Variants in CCNB1 observed in about 807,000 individuals in gnomAD.
The protein encoded by CCNB1 is G2/mitotic-specific cyclin-B1.
Under a neutral mutation model 44.4 loss-of-function variants are expected in CCNB1, and 26 were observed. That is an observed-to-expected ratio of 0.59 (90% CI 0.43 to 0.81). The LOEUF is 0.81. Among genes scored for constraint, CCNB1 ranks in the 40% least tolerant of loss-of-function variants. The pLI, the probability that CCNB1 is intolerant of heterozygous loss-of-function variation, is 0.00. For synonymous variants in CCNB1, 195 were observed against 181.4 expected, an observed-to-expected ratio of 1.08 and a Z score of -0.60; for missense variants, 477 against 520.9, an observed-to-expected ratio of 0.92 and a Z score of 0.82.
chr5:69,171,201 C>A (rs755085772), intron 3 of CCNB1, 69 bp from the exon 4 acceptor site: 3 of 1,202,836 alleles, frequency 2.5e-6, no homozygotes, highest in South Asian at 3.0e-5. Flanking sequence ...GTACCAATAA[C>A]CTGAACTTCA....
In CCNB1 at chr5:69,174,325, CT is replaced by C. The variant is rs774152248; in HGVS notation, c.622del (p.Trp208GlyfsTer2). On this transcript the variant is annotated frameshift_variant, in exon 5 of 9. Transcript: ENST00000256442. LOFTEE classifies it high-confidence loss of function. ...TGNMRAILID[W>X]LVQVQMKFRL... ...GAAACATGAGAGCCATCCTAATTGA[CT>C]GGCTAGTACAGGTTCAAATGAAATT... The C allele has an allele frequency of 6.2e-7, 1 of 1,613,718 alleles. No individual in the cohort carries two copies. Among genetic ancestry groups the C allele is most frequent in the Non-Finnish European group, 8.5e-7 (1 of 1,179,618 alleles).
intron 4 of CCNB1, among the ~76,000 whole-genome samples, chr5:69,172,930 C>T (rs567530454): frequency 1.3e-5 from 2 of 151,924 alleles, no homozygotes; most frequent in African/African-American, 2.4e-5. Context: ...TCCGCCACCA[C>T]GCCTGGCTAA....
chr5:69,174,391 T>C lies in CCNB1; in HGVS notation c.687T>C (p.Ile229=). The change falls in exon 5 of 9, where the codon ATT becomes ATC. Residue 229 remains isoleucine (I), a synonymous_variant. Transcript: ENST00000256442. ...LQETMYMTVS[I]IDRFMQNNCV... Reference sequence around the variant, plus strand: ...AGACCATGTACATGACTGTCTCCATTATTGATCGGTTCATGCAGGTGAGCA... The same window carrying C: ...AGACCATGTACATGACTGTCTCCATCATTGATCGGTTCATGCAGGTGAGCA... 1 of 1,614,044 alleles carries C rather than the reference T, an allele frequency of 6.2e-7. No homozygotes were observed. Among genetic ancestry groups the C allele is most frequent in the Middle Eastern group, 1.7e-4 (1 of 6,060 alleles).
chr5:69,175,142 A>AT (rs760150623), intron 6 of CCNB1, 29 bp downstream of exon 6: 1 of 1,486,560 alleles, frequency 6.7e-7, no homozygotes, highest in Non-Finnish European at 9.4e-7. Flanking sequence ...ACCTCTCCGT[A>AT]TGGGTACATT....
chr5:69,177,691 G>A lies in CCNB1; in HGVS notation c.*60G>A. ...ATAAAATTGGCACCATGTGCCATCTGTACATATTACTGTTGCATTTACTTT... is the reference window on the plus strand; with the variant it reads ...ATAAAATTGGCACCATGTGCCATCTATACATATTACTGTTGCATTTACTTT... On this transcript the variant is annotated 3_prime_UTR_variant, in exon 9 of 9. Coordinates refer to ENST00000256442, the MANE Select transcript of CCNB1 (RefSeq NM_031966.4). The A allele has an allele frequency of 1.0e-6, 1 of 962,056 alleles. No individual in the cohort carries two copies. The highest frequency in any genetic ancestry group is 1.7e-6 in the Non-Finnish European group (1 of 605,740). 59.6% of individuals were successfully genotyped at this position (962,056 alleles called of 1,614,324 possible).
At chr5:69,169,905 C>T (rs1216535515) in intron 3 of CCNB1, among the ~76,000 whole-genome samples, 2 of 151,970 alleles carry the variant, frequency 1.3e-5, no homozygotes, top group Non-Finnish European at 2.9e-5. Context: ...CCGCCTCAGC[C>T]TCCCAAAGTG....
In CCNB1 at chr5:69,167,778, T is replaced by C. The variant is rs8192260; in HGVS notation, c.22-130T>C. On this transcript the variant is annotated intron_variant, in intron 1 of 8. Transcript: ENST00000256442. Reference sequence around the variant, plus strand: ...GCCGCAGAGTAGACTCTGGGACCCATGTTTTCCCTCGGAACCCATTTTTAG... The same window carrying C: ...GCCGCAGAGTAGACTCTGGGACCCACGTTTTCCCTCGGAACCCATTTTTAG... 2.7e-4 allele frequency: 206 copies of C among 767,400 alleles called. No homozygotes were observed. The African/African-American group carries it at 3.2e-3, about 12-fold the overall frequency. The allele number at this position is 767,400 out of a possible 1,614,324, so 47.5% of individuals were successfully genotyped here.
intron 7 of CCNB1, among the ~76,000 whole-genome samples, chr5:69,176,505 T>C (rs971785020): frequency 3.0e-4 from 45 of 150,638 alleles, no homozygotes; most frequent in Non-Finnish European, 5.3e-4. Flanking sequence ...TACAGGTGCC[T>C]GCCACCACGC....
At chr5:69,175,140 G>T in intron 6 of CCNB1, 27 bp downstream of exon 6, 2 of 1,495,466 alleles carry the variant, frequency 1.3e-6, no homozygotes, top group Non-Finnish European at 1.9e-6. Context: ...AAACCTCTCC[G>T]TATGGGTACA....
rs1238784837 is a variant in CCNB1, at chr5:69,167,981, C to CTGCA, written c.96_99dup (p.Thr34CysfsTer18). The CTGCA allele has an allele frequency of 6.2e-7, 1 of 1,614,212 alleles. No homozygotes were observed. The highest frequency in any genetic ancestry group is 8.5e-7 in the Non-Finnish European group (1 of 1,180,028). On this transcript the variant is annotated frameshift_variant, in exon 2 of 9. Transcript: ENST00000256442. LOFTEE classifies it high-confidence loss of function. ...GCAAAGCGCGTTCCTACGGCCCCTG[C>CTGCA]TGCAACCTCCAAGCCCGGACTGAGG...
In CCNB1 at chr5:69,167,170, C is replaced by G. The variant is rs1030730802; in HGVS notation, c.-93C>G. 6.6e-6 allele frequency: 7 copies of G among 1,056,258 alleles called. 1 individual carries two copies. In the African/African-American group the frequency reaches 1.1e-4, roughly 17 times the overall value. The allele number at this position is 1,056,258 out of a possible 1,614,324, so 65.4% of individuals were successfully genotyped here. A position where few individuals can be genotyped will look rare whatever the true frequency, so the allele number is the denominator to read the frequency against. ...TTCTCGGCGTGCTGCGGCGGAACGG[C>G]TGTTGGTTTCTGCTGGGTGTAGGTC... is the stretch of plus-strand genomic sequence containing the variant. On this transcript the variant is annotated 5_prime_UTR_variant, in exon 1 of 9. Coordinates refer to ENST00000256442, the MANE Select transcript of CCNB1 (RefSeq NM_031966.4).
intron 3 of CCNB1, 78 bp downstream of exon 3, chr5:69,168,421 A>C: frequency 6.6e-7 from 1 of 1,506,174 alleles, no homozygotes; most frequent in South Asian, 1.1e-5. Context: ...AAGAGCATTC[A>C]AATGAATAGT....
chr5:69,167,520 G>A lies in CCNB1; in HGVS notation c.21+237G>A, dbSNP rs548441366. 6 of 552,392 alleles carry A rather than the reference G, an allele frequency of 1.1e-5. No individual in the cohort carries two copies. The South Asian group carries it at 1.3e-4, about 12-fold the overall frequency. The allele number at this position is 552,392 out of a possible 1,614,324, so 34.2% of individuals were successfully genotyped here. On this transcript the variant is annotated intron_variant, in intron 1 of 8. Coordinates refer to ENST00000256442, the MANE Select transcript of CCNB1 (RefSeq NM_031966.4). Reference sequence around the variant, plus strand: ...AGAACTGGACGGATATTGGATAAATGTTTTGGGGAGGTGGAGAGTCGACTG... The same window carrying A: ...AGAACTGGACGGATATTGGATAAATATTTTGGGGAGGTGGAGAGTCGACTG...
At chr5:69,176,560 T>C (rs751385180) in intron 7 of CCNB1, among the ~76,000 whole-genome samples, 160 of 149,152 alleles carry the variant, frequency 1.1e-3, no homozygotes, top group Middle Eastern at 7.0e-3. Context: ...TTAGTAGAGA[T>C]GGGGTTTCAC....
chr5:69,172,824 T>C (rs933741175), intron 4 of CCNB1, among the ~76,000 whole-genome samples: 1 of 146,036 alleles, frequency 6.8e-6, no homozygotes, highest in African/African-American at 2.6e-5. Context: ...CCTAGGCTGG[T>C]GTGCAGTGGC....
chr5:69,170,653 GTT>G (rs768453179), intron 3 of CCNB1, among the ~76,000 whole-genome samples: 1 of 145,272 alleles, frequency 6.9e-6, no homozygotes. Flanking sequence ...GCATTTCACT[GTT>G]TTTTTTTTTG....
rs771036636 is a variant in CCNB1, at chr5:69,177,335, C to G, written c.1180C>G (p.Leu394Val). The change falls in exon 8 of 9, where the codon CTT (leucine) becomes GTT (valine). Residue 394 changes from leucine (L) to valine (V), a missense_variant. By Grantham distance (32) the Leu-to-Val change is conservative. Coordinates refer to ENST00000256442, the MANE Select transcript of CCNB1 (RefSeq NM_031966.4). ...AKNVVMVNQG[L>V]TKHMTVKNKY... ...GAATGTAGTCATGGTAAATCAAGGA[C>G]TTACAAAGCACATGGTGAGTCAATA... 3 of 1,605,534 alleles carry G rather than the reference C, an allele frequency of 1.9e-6. No individual in the cohort carries two copies. In the East Asian group the frequency reaches 6.7e-5, roughly 36 times the overall value.
chr5:69,173,896 A>G (rs1747519663), intron 4 of CCNB1, among the ~76,000 whole-genome samples: 1 of 152,028 alleles, frequency 6.6e-6, no homozygotes, highest in African/African-American at 2.4e-5. Context: ...CAGCCTCCCA[A>G]GTAGCTGGAA....
intron 4 of CCNB1, among the ~76,000 whole-genome samples, chr5:69,172,214 GT>G (rs11315218): frequency 0.17 from 25,082 of 151,872 alleles, 2,363 homozygotes; most frequent in African/African-American, 0.25. Flanking sequence ...AGTAGTTGGG[GT>G]TGCAGGCACA....
Sources: allele counts gnomAD v4.1 joint callset (sites outside exome capture counted in the v4.1 genomes callset), GRCh38; gene constraint gnomAD v4.1.1; transcripts MANE v1.5; gene names NCBI Gene and HGNC (gene_info 2026-07-23, HGNC 2026-07-21).